FSIP1: variants seen among roughly 807,000 people sequenced by gnomAD.
FSIP1 encodes the protein fibrous sheath-interacting protein 1.
A neutral mutation model predicts 60.9 loss-of-function variants in FSIP1; 65 were observed. That is an observed-to-expected ratio of 1.07 (90% CI 0.87 to 1.31). The LOEUF (loss-of-function observed/expected upper bound fraction) is 1.31, where lower values mean the gene tolerates loss of function less well. FSIP1 is among the 40% of genes most tolerant of loss of function. The pLI is 0.00. For synonymous variants in FSIP1, 209 were observed against 221.2 expected, an observed-to-expected ratio of 0.94 and a Z score of 0.49; for missense variants, 675 against 665.5, an observed-to-expected ratio of 1.01 and a Z score of -0.16.
chr15:39,731,707 AAGAC>A (rs1285530960), intron 8 of FSIP1, among the ~76,000 whole-genome samples: 4 of 152,204 alleles, frequency 2.6e-5, no homozygotes, highest in Non-Finnish European at 5.9e-5. Flanking sequence ...TTACCTTCCC[AAGAC>A]AGAACAGAAA....
intron 10 of FSIP1, among the ~76,000 whole-genome samples, chr15:39,653,248 G>C (rs1459930194): frequency 2.0e-5 from 3 of 151,596 alleles, no homozygotes; most frequent in Non-Finnish European, 4.4e-5. Flanking sequence ...ACCATGAATG[G>C]AACTTGCTCT....
chr15:39,682,055 T>G (rs11854571), intron 10 of FSIP1, among the ~76,000 whole-genome samples: 5,041 of 152,318 alleles, frequency 0.033, 102 homozygotes, highest in Middle Eastern at 0.065. Flanking sequence ...AAAATTTAAC[T>G]GAAAGCTGAA....
intron 3 of FSIP1, among the ~76,000 whole-genome samples, chr15:39,766,650 C>A (rs1897699854): frequency 1.3e-5 from 2 of 152,188 alleles, no homozygotes; most frequent in Admixed American, 6.5e-5. Flanking sequence ...AGATAATATT[C>A]TCTCCATTTA....
intron 8 of FSIP1, among the ~76,000 whole-genome samples, chr15:39,729,985 TG>T (rs1896341671): frequency 6.6e-6 from 1 of 152,136 alleles, no homozygotes; most frequent in Admixed American, 6.5e-5. Context: ...CAAAGCCCTG[TG>T]ACATCCAATT....
intron 1 of FSIP1, among the ~76,000 whole-genome samples, chr15:39,780,277 A>T (rs1360294774): frequency 6.6e-6 from 1 of 152,204 alleles, no homozygotes; most frequent in Non-Finnish European, 1.5e-5. Flanking sequence ...TAATCCCAGC[A>T]CTTTGGGAGG....
chr15:39,625,534 C>A (rs1335766641), intron 10 of FSIP1, among the ~76,000 whole-genome samples: 1 of 152,142 alleles, frequency 6.6e-6, no homozygotes, highest in African/African-American at 2.4e-5. Context: ...TTTTGTGGGA[C>A]AATTACCATT....
rs1470816435 is a variant in FSIP1 at position 39,763,910 on chromosome 15, G to C, written c.470C>G (p.Ala157Gly). The C allele has an allele frequency of 6.5e-7, 1 of 1,537,096 alleles. No individual in the cohort carries two copies. Among genetic ancestry groups the C allele is most frequent in the Admixed American group, 1.8e-5 (1 of 56,692 alleles). ...RIKLWEEIKS[A>G]KYSEAWQSKE... ...ACTTTGCCAAGCTTCACTATATTTT[G>C]CAGACTAATGAAAGGAAAATTAAAA... Residue 157 changes from alanine (A) to glycine (G), a missense_variant, in exon 5 of 12, where the codon GCA becomes GGA. Transcript: ENST00000350221.
intron 5 of FSIP1, among the ~76,000 whole-genome samples, chr15:39,743,804 A>G (rs1896885641): frequency 6.6e-6 from 1 of 152,206 alleles, no homozygotes; most frequent in South Asian, 2.1e-4. Flanking sequence ...GGACACTATC[A>G]CTTCTGTGGG....
intron 10 of FSIP1, among the ~76,000 whole-genome samples, chr15:39,696,185 T>A (rs1426073676): frequency 6.6e-6 from 1 of 152,204 alleles, no homozygotes; most frequent in African/African-American, 2.4e-5. Flanking sequence ...CTTTTCAATA[T>A]TGTAGAACAG....
intron 11 of FSIP1, among the ~76,000 whole-genome samples, chr15:39,613,260 G>A (rs1343536150): frequency 6.6e-6 from 1 of 152,094 alleles, no homozygotes; most frequent in African/African-American, 2.4e-5. Context: ...TGAAATGAAA[G>A]AGGAGACATT....
chr15:39,649,118 A>G (rs1282235559), intron 10 of FSIP1, among the ~76,000 whole-genome samples: 1 of 152,222 alleles, frequency 6.6e-6, no homozygotes, highest in African/African-American at 2.4e-5. Flanking sequence ...ACACGATTTC[A>G]GTCTTCTTTA....
rs144527032 is a variant in FSIP1, at chr15:39,617,862, C to A, written c.1572G>T (p.Ser524=). The A allele has an allele frequency of 1.2e-6, 2 of 1,614,026 alleles. No individual in the cohort carries two copies. The highest frequency in any genetic ancestry group is 8.5e-7 in the Non-Finnish European group (1 of 1,179,978). Residue 524 remains serine, a synonymous_variant, in exon 11 of 12, where the codon TCG becomes TCT. Coordinates refer to ENST00000350221, the MANE Select transcript of FSIP1 (RefSeq NM_152597.5). The part of the protein sequence containing the change: ...IISDTKDYFM[S]KTLGIGRLKR... ...TCAGTCTCCCAATGCCAAGAGTCTT[C>A]GACATAAAATAGTCTTTTGTGTCAC...
intron 8 of FSIP1, among the ~76,000 whole-genome samples, chr15:39,730,780 G>T (rs1023597490): frequency 2.0e-5 from 3 of 152,178 alleles, no homozygotes; most frequent in Admixed American, 2.0e-4. Context: ...GCAGGGAAAT[G>T]ATTAACAGGG....
chr15:39,710,463 A>G (rs1895459619), intron 10 of FSIP1, among the ~76,000 whole-genome samples: 1 of 149,606 alleles, frequency 6.7e-6, no homozygotes, highest in African/African-American at 2.5e-5. Flanking sequence ...AAAAAAAAAC[A>G]TAAAACAGTA....
At chr15:39,619,035 G>GA (rs1270676365) in intron 10 of FSIP1, among the ~76,000 whole-genome samples, 3 of 152,162 alleles carry the variant, frequency 2.0e-5, no homozygotes, top group Non-Finnish European at 4.4e-5. Context: ...TTTACAGGGG[G>GA]ATGAATTATC....
intron 11 of FSIP1, chr15:39,602,224 C>G (rs1595520938): frequency 2.4e-6 from 1 of 418,976 alleles, no homozygotes; most frequent in East Asian, 7.4e-5. Flanking sequence ...TTAACACACA[C>G]AGATGGAGGG....
rs779434387 is a variant in FSIP1 at position 39,713,482 on chromosome 15, C to G, written c.1150G>C (p.Glu384Gln). ...EQRDLHNRLR[E>Q]IDEKLKMMKE... ...ATCATTTTCAGCTTTTCATCAATCT[C>G]TCTCAGCCGATTATGCAGATCGCGT... Residue 384 changes from glutamate to glutamine, a missense_variant, in exon 10 of 12, where the codon GAG becomes CAG. Glu to Gln is a conservative substitution (Grantham distance 29). Coordinates refer to ENST00000350221, the MANE Select transcript of FSIP1 (RefSeq NM_152597.5). The G allele has an allele frequency of 1.9e-6, 3 of 1,607,332 alleles. No individual in the cohort carries two copies. Among genetic ancestry groups the G allele is most frequent in the South Asian group, 2.2e-5 (2 of 89,424 alleles).
intron 10 of FSIP1, among the ~76,000 whole-genome samples, chr15:39,693,985 T>C (rs1894711869): frequency 6.6e-6 from 1 of 152,218 alleles, no homozygotes; most frequent in African/African-American, 2.4e-5. Context: ...TATATATTTA[T>C]CAGCTTGATT....
chr15:39,770,577 C>G lies in FSIP1; in HGVS notation c.160G>C (p.Glu54Gln), dbSNP rs79627646. ...GTATTACTGCTTTCGGAGTGGTCCT[C>G]TTTACCAGAGTTCAAGTTGCTTGCA... The part of the protein sequence containing the change: ...DTASNLNSGK[E>Q]DHSESSNTEN... The change falls in exon 3 of 12, where the codon GAG becomes CAG. Residue 54 changes from glutamate (E) to glutamine (Q), a missense_variant. Coordinates refer to ENST00000350221, the MANE Select transcript of FSIP1 (RefSeq NM_152597.5). The G allele has an allele frequency of 1.1e-3, 1,754 of 1,564,714 alleles. 17 individuals carry two copies. The African/African-American group carries it at 0.021, about 19-fold the overall frequency.
Sources: allele counts gnomAD v4.1 joint callset (sites outside exome capture counted in the v4.1 genomes callset), GRCh38; gene constraint gnomAD v4.1.1; transcripts MANE v1.5; gene names NCBI Gene and HGNC (gene_info 2026-07-23, HGNC 2026-07-21).